NEK10: variants seen among roughly 807,000 people sequenced by gnomAD.
NEK10 encodes the protein serine/threonine-protein kinase Nek10.
In NEK10, 122 loss-of-function variants were observed where a neutral mutation model predicts 159.8. That is an observed-to-expected ratio of 0.76 (90% CI 0.66 to 0.89). The LOEUF (loss-of-function observed/expected upper bound fraction) is 0.89. Among genes scored for constraint, NEK10 ranks in the 40% least tolerant of loss-of-function variants. NEK10 has a pLI of 0.00. For synonymous variants in NEK10, 466 were observed against 457.1 expected, an observed-to-expected ratio of 1.02 and a Z score of -0.25; for missense variants, 1,342 against 1,323.1, an observed-to-expected ratio of 1.01 and a Z score of -0.22.
At chr3:27,314,393 T>A in intron 6 of NEK10, 55 bp from the exon 7 acceptor site, 1 of 1,037,078 alleles carries the variant, frequency 9.6e-7, no homozygotes, top group South Asian at 1.3e-5. Flanking sequence ...GAGGGGGAAG[T>A]ATATTTTACA....
intron 28 of NEK10, among the ~76,000 whole-genome samples, chr3:27,174,084 C>G (rs1009646279): frequency 2.0e-5 from 3 of 152,140 alleles, no homozygotes; most frequent in African/African-American, 7.2e-5. Context: ...GGACCAATTT[C>G]TTCTACAGGC....
chr3:27,220,578 G>T (rs1350357256), intron 23 of NEK10, among the ~76,000 whole-genome samples: 1 of 151,850 alleles, frequency 6.6e-6, no homozygotes, highest in Non-Finnish European at 1.5e-5. Context: ...TCTTGCGGGG[G>T]TGGGGGGATC....
intron 32 of NEK10, among the ~76,000 whole-genome samples, chr3:27,127,952 G>A (rs533751555): frequency 2.6e-5 from 4 of 152,040 alleles, no homozygotes; most frequent in African/African-American, 9.6e-5. Context: ...CTTTTCCTAT[G>A]GATTTCCTGG....
chr3:27,132,314 A>C (rs1020098600), intron 31 of NEK10, among the ~76,000 whole-genome samples: 1 of 152,226 alleles, frequency 6.6e-6, no homozygotes, highest in African/African-American at 2.4e-5. Flanking sequence ...TTGACACAGA[A>C]TGGTGCACTT....
chr3:27,306,367 C>A (rs916270358), intron 11 of NEK10, among the ~76,000 whole-genome samples: 1 of 152,144 alleles, frequency 6.6e-6, no homozygotes, highest in Admixed American at 6.6e-5. Context: ...TTCCCCTGAG[C>A]TGATTACCTA....
intron 22 of NEK10, among the ~76,000 whole-genome samples, chr3:27,284,108 G>A (rs1425675255): frequency 2.0e-5 from 3 of 152,122 alleles, no homozygotes; most frequent in Non-Finnish European, 2.9e-5. Context: ...AAATTTGGCC[G>A]GGCATTGGGG....
Position 27,267,459 on chromosome 3 carries a change from T to C in NEK10, c.2015-11088A>G, listed in dbSNP as rs555354997. 2.0e-5 allele frequency among the ~76,000 whole-genome samples: 3 copies of C among 152,340 alleles called. No individual in the cohort carries two copies. The South Asian group carries it at 6.2e-4, about 32-fold the overall frequency. On this transcript the variant is annotated intron_variant, in intron 22 of 35. Coordinates refer to ENST00000691995, the MANE Select transcript of NEK10 (RefSeq NM_001394966.1). ...CCAGCAAGCCTATGAGCACCATTTT[T>C]TCAACAGCATCTGCTCACTTTATAT...
At chr3:27,284,441 C>T (rs1416982651) in intron 22 of NEK10, among the ~76,000 whole-genome samples, 161 bp downstream of exon 22, 1 of 152,150 alleles carries the variant, frequency 6.6e-6, no homozygotes, top group African/African-American at 2.4e-5. Flanking sequence ...ACACTAATCA[C>T]ATTTCAAGTG....
intron 23 of NEK10, among the ~76,000 whole-genome samples, chr3:27,225,556 T>G (rs1952552496): frequency 6.6e-6 from 1 of 152,204 alleles, no homozygotes; most frequent in African/African-American, 2.4e-5. Context: ...AGGAAAACAC[T>G]TATTAAAGGC....
chr3:27,145,539 G>A (rs1314260389), intron 30 of NEK10, among the ~76,000 whole-genome samples: 2 of 152,136 alleles, frequency 1.3e-5, no homozygotes, highest in African/African-American at 4.8e-5. Flanking sequence ...ACGCTAAAGA[G>A]CTATTTTGTT....
At chr3:27,257,235 C>G (rs975314886) in intron 22 of NEK10, among the ~76,000 whole-genome samples, 1 of 152,168 alleles carries the variant, frequency 6.6e-6, no homozygotes, top group Non-Finnish European at 1.5e-5. Flanking sequence ...AACCACTCAA[C>G]AACTTAGGTC....
At chr3:27,251,569 G>A (rs1484826412) in intron 23 of NEK10, among the ~76,000 whole-genome samples, 1 of 152,058 alleles carries the variant, frequency 6.6e-6, no homozygotes, top group Non-Finnish European at 1.5e-5. Flanking sequence ...AGTTTCCTGG[G>A]GCCTCCCCAG....
At chr3:27,324,099 A>G (rs1201522044) in intron 5 of NEK10, among the ~76,000 whole-genome samples, 1 of 152,202 alleles carries the variant, frequency 6.6e-6, no homozygotes. Flanking sequence ...AAGTCAGGGT[A>G]GGGATAGTCT....
chr3:27,191,498 T>C (rs1459220734), intron 26 of NEK10, among the ~76,000 whole-genome samples: 1 of 152,226 alleles, frequency 6.6e-6, no homozygotes, highest in Non-Finnish European at 1.5e-5. Context: ...TTCCAAGCAA[T>C]GTTCAGAAAT....
chr3:27,113,386 G>A (rs779515809), intron 35 of NEK10, among the ~76,000 whole-genome samples: 166 of 130,618 alleles, frequency 1.3e-3, no homozygotes, highest in Admixed American at 3.3e-3. Context: ...AGCCAAGATC[G>A]CACCATTGCA....
intron 23 of NEK10, among the ~76,000 whole-genome samples, chr3:27,233,415 G>T (rs917437805): frequency 6.6e-6 from 1 of 151,946 alleles, no homozygotes; most frequent in African/African-American, 2.4e-5. Context: ...AGATGTTGGT[G>T]TGGATGTGGT....
At chr3:27,124,148 T>C (rs1941658689) in intron 32 of NEK10, among the ~76,000 whole-genome samples, 1 of 151,954 alleles carries the variant, frequency 6.6e-6, no homozygotes, top group Non-Finnish European at 1.5e-5. Context: ...CTCCTACAAG[T>C]AAGGGGGGCC....
At chr3:27,316,147 A>G (rs78184831) in intron 6 of NEK10, among the ~76,000 whole-genome samples, 1,568 of 152,296 alleles carry the variant, frequency 0.01, 30 homozygotes, top group African/African-American at 0.035. Flanking sequence ...AGACCGTGAT[A>G]CCCAATGAAA....
intron 3 of NEK10, among the ~76,000 whole-genome samples, chr3:27,347,847 C>T (rs941308925): frequency 1.3e-5 from 2 of 152,128 alleles, no homozygotes; most frequent in Non-Finnish European, 2.9e-5. Context: ...TAACTAGCTG[C>T]ATAATCTTAG....
Sources: allele counts gnomAD v4.1 joint callset (sites outside exome capture counted in the v4.1 genomes callset), GRCh38; gene constraint gnomAD v4.1.1; transcripts MANE v1.5; gene names NCBI Gene and HGNC (gene_info 2026-07-23, HGNC 2026-07-21).